The following TNRC6C variants were observed in gnomAD, a reference collection of about 807,000 sequenced individuals.
TNRC6C encodes trinucleotide repeat-containing gene 6C protein.
A neutral mutation model predicts 153.7 loss-of-function variants in TNRC6C; 20 were observed. The ratio of observed to expected loss-of-function variants is 0.13; its 90% CI spans 0.09 to 0.19. TNRC6C has a LOEUF of 0.19. Ranked by LOEUF, TNRC6C falls within the 10% of genes least tolerant of loss-of-function variation. The pLI is 1.00. For missense variants in TNRC6C, 1,987 were observed against 2,172.0 expected (o/e 0.91, Z 1.69); for synonymous variants, 811 against 841.4 (o/e 0.96, Z 0.63).
At chr17:78,103,356 G>C (rs1598800208) in intron 18 of TNRC6C, 58 bp from the exon 22 acceptor site, 13 of 1,594,624 alleles carry the variant, frequency 8.2e-6, no homozygotes, top group Non-Finnish European at 4.3e-6. Flanking sequence ...TCTTTGGAAG[G>C]CTGTAGTGAA....
Position 77,972,957 on chromosome 17 carries a change from G to A in TNRC6C, c.-38+13689G>A, listed in dbSNP as rs137902507. Among the ~76,000 whole-genome samples, 624 of 152,340 alleles carry A rather than the reference G, an allele frequency of 4.1e-3. 2 individuals are homozygous for A. Among genetic ancestry groups the A allele is most frequent in the Admixed American group, 6.6e-3 (101 of 15,304 alleles). ...TCTCGCAACTCTCTCTCAGGCTGGA[G>A]TGCAATGGCACGATCTCGGCTCACC... On this transcript the variant is annotated intron_variant, in intron 1 of 22. Transcript: ENST00000636222.
intron 3 of TNRC6C, among the ~76,000 whole-genome samples, chr17:78,051,958 G>A (rs1018293835): frequency 6.6e-6 from 1 of 152,180 alleles, no homozygotes; most frequent in African/African-American, 2.4e-5. Flanking sequence ...CAGCCAGAGG[G>A]GCAAGGTCCA....
At chr17:78,009,667 G>T (rs1304308671) in intron 1 of TNRC6C, among the ~76,000 whole-genome samples, 1 of 151,986 alleles carries the variant, frequency 6.6e-6, no homozygotes, top group African/African-American at 2.4e-5. Flanking sequence ...CAATTCTGCT[G>T]CCTCAGCCTC....
chr17:78,006,546 CTT>C (rs2071510012), intron 1 of TNRC6C, among the ~76,000 whole-genome samples: 41 of 114,726 alleles, frequency 3.6e-4, no homozygotes, highest in African/African-American at 8.2e-4. Context: ...TCTTCTTCTT[CTT>C]CTTCTTCTTC....
chr17:77,999,484 T>C (rs1177750582), upstream of TNRC6C, among the ~76,000 whole-genome samples: 1 of 149,008 alleles, frequency 6.7e-6, no homozygotes, highest in Admixed American at 6.6e-5. Flanking sequence ...CCAGTTTCGT[T>C]GTTGTTGTTG....
At chr17:78,030,494 GTGT>G (rs1301383237) in intron 1 of TNRC6C, among the ~76,000 whole-genome samples, 1 of 152,116 alleles carries the variant, frequency 6.6e-6, no homozygotes, top group African/African-American at 2.4e-5. Flanking sequence ...CGTGAGTAAT[GTGT>G]TGTGACATTG....
At chr17:78,013,801 A>G (rs1249646859) in intron 1 of TNRC6C, among the ~76,000 whole-genome samples, 1 of 152,218 alleles carries the variant, frequency 6.6e-6, no homozygotes, top group African/African-American at 2.4e-5. Flanking sequence ...CTGTGGCCGT[A>G]TGGAGTATGA....
chr17:78,087,562 A>G (rs914875834), intron 13 of TNRC6C, among the ~76,000 whole-genome samples: 4 of 152,194 alleles, frequency 2.6e-5, no homozygotes, highest in Non-Finnish European at 5.9e-5. Flanking sequence ...TCAAATCTCC[A>G]AAGTTTGTTC....
chr17:77,974,910 ATTCCATGCCTT>A (rs2070976461), intron 1 of TNRC6C, among the ~76,000 whole-genome samples: 1 of 152,246 alleles, frequency 6.6e-6, no homozygotes, highest in Admixed American at 6.5e-5. Flanking sequence ...CAGAAAACTA[ATTCCATGCCTT>A]TTGCCATAGG....
chr17:77,971,605 T>TG (rs1161487078), intron 1 of TNRC6C, among the ~76,000 whole-genome samples: 3 of 152,182 alleles, frequency 2.0e-5, no homozygotes, highest in Non-Finnish European at 4.4e-5. Flanking sequence ...TCTTCACTGA[T>TG]GAATTCTGTC....
chr17:77,959,844 G>A (rs894463959), intron 1 of TNRC6C, among the ~76,000 whole-genome samples: 76 of 152,270 alleles, frequency 5.0e-4, no homozygotes, highest in African/African-American at 1.6e-3. Context: ...TAACCCGAGC[G>A]CCTGGTTGCC....
At chr17:77,982,992 A>G (rs1022052466) in intron 1 of TNRC6C, among the ~76,000 whole-genome samples, 13 of 152,194 alleles carry the variant, frequency 8.5e-5, no homozygotes, top group African/African-American at 3.1e-4. Flanking sequence ...ACAGAGCTTT[A>G]AAAGACAAAA....
chr17:77,987,983 A>C (rs4334357), intron 1 of TNRC6C, among the ~76,000 whole-genome samples: 6,473 of 152,096 alleles, frequency 0.043, 445 homozygotes, highest in African/African-American at 0.15. Context: ...CCCGGCCTGA[A>C]GTAAGCATTT....
intron 6 of TNRC6C, 57 bp downstream of exon 8, chr17:78,071,222 C>A: frequency 6.7e-7 from 1 of 1,501,568 alleles, no homozygotes; most frequent in African/African-American, 1.4e-5. Flanking sequence ...GAAATGCCCT[C>A]ATTGTTTCCT....
At chr17:77,982,158 C>T (rs970866326) in intron 1 of TNRC6C, among the ~76,000 whole-genome samples, 11 of 152,156 alleles carry the variant, frequency 7.2e-5, no homozygotes, top group African/African-American at 2.4e-4. Flanking sequence ...TGATGGAACC[C>T]TGGTCTTGGA....
intron 1 of TNRC6C, among the ~76,000 whole-genome samples, chr17:77,986,355 G>A (rs1226295575): frequency 6.7e-6 from 1 of 150,286 alleles, no homozygotes; most frequent in Non-Finnish European, 1.5e-5. Flanking sequence ...ACAGGTTGTG[G>A]TGAGCCGAGA....
chr17:78,050,260 A>G, exon 3 of TNRC6C: 1 of 1,544,198 alleles, frequency 6.5e-7, no homozygotes. Context: ...TGAAGGAAGT[A>G]GTGATGGTTC....
intron 1 of TNRC6C, among the ~76,000 whole-genome samples, chr17:77,965,641 CTG>C (rs1480032024): frequency 6.6e-6 from 1 of 152,134 alleles, no homozygotes; most frequent in Non-Finnish European, 1.5e-5. Context: ...CCTCCTGGAG[CTG>C]TCTTACTAGT....
chr17:78,093,011 T>C, exon 15 of TNRC6C: 2 of 1,613,894 alleles, frequency 1.2e-6, no homozygotes, highest in Non-Finnish European at 1.7e-6. Flanking sequence ...TACGATTTAA[T>C]CCAGAACAGT....
Sources: allele counts gnomAD v4.1 joint callset (sites outside exome capture counted in the v4.1 genomes callset), GRCh38; gene constraint gnomAD v4.1.1; transcripts MANE v1.5; gene names NCBI Gene and HGNC (gene_info 2026-07-23, HGNC 2026-07-21).